The following BCL7C variants were observed in gnomAD, a reference collection of about 807,000 sequenced individuals.
BCL7C encodes the protein B-cell CLL/lymphoma 7 protein family member C.
In BCL7C, 8 loss-of-function variants were observed where a neutral mutation model predicts 26.2. The observed-to-expected ratio is 0.30, with a 90% confidence interval of 0.18 to 0.55. The LOEUF (loss-of-function observed/expected upper bound fraction) is 0.55. Among genes scored for constraint, BCL7C ranks in the 20% least tolerant of loss-of-function variants. BCL7C has a pLI of 0.93. For missense variants in BCL7C, 262 were observed against 298.5 expected, an observed-to-expected ratio of 0.88 and a Z score of 0.90; for synonymous variants, 90 against 116.5, an observed-to-expected ratio of 0.77 and a Z score of 1.47.
In BCL7C at chr16:30,888,896, G is replaced by T; in HGVS notation, c.492C>A (p.Thr164=). 6.2e-7 allele frequency: 1 copy of T among 1,614,046 alleles called. No homozygotes were observed. The highest frequency in any genetic ancestry group is 8.5e-7 in the Non-Finnish European group (1 of 1,179,980). The change falls in exon 5 of 6, where the codon ACC becomes ACA. Residue 164 remains threonine (T), a synonymous_variant. Transcript: ENST00000215115. The stretch of plus-strand genomic sequence containing the variant: ...GCAGTTCTGGAACAGGCTCCTCCTT[G>T]GTCAGCATTGGGGGTTCGTCGGTGC... ...AGSTDEPPML[T]KEEPVPELLE... is the part of the protein sequence containing the mutation.
intron 5 of BCL7C, among the ~76,000 whole-genome samples, chr16:30,839,949 G>A (rs2054592023): frequency 6.6e-6 from 1 of 152,188 alleles, no homozygotes; most frequent in African/African-American, 2.4e-5. Flanking sequence ...CCCTCCAGGA[G>A]AGGACTCTGT....
intron 5 of BCL7C, among the ~76,000 whole-genome samples, chr16:30,873,845 T>C: frequency 9.1e-5 from 1 of 11,000 alleles, no homozygotes. Flanking sequence ...AGCTACACTG[T>C]CTCAAAAAAA....
chr16:30,840,003 A>C (rs754958859), intron 5 of BCL7C, among the ~76,000 whole-genome samples: 33 of 151,774 alleles, frequency 2.2e-4, no homozygotes, highest in Non-Finnish European at 4.1e-4. Context: ...CATTTTCCCC[A>C]CTCCTGATGT....
rs1483940678 is a variant in BCL7C at position 30,892,566 on chromosome 16, T to G, written c.442+20A>C. 3 of 1,535,606 alleles carry G rather than the reference T, an allele frequency of 2.0e-6. No homozygotes were observed. Among genetic ancestry groups the G allele is most frequent in the Non-Finnish European group, 2.6e-6 (3 of 1,147,904 alleles). On this transcript the variant is annotated intron_variant, in intron 4 of 5. Transcript: ENST00000215115. ...GACAGGACTTAGAGGAGAGAGCTCC[T>G]GGGAGGTACCTGGTCCTACCTCTCT...
At chr16:30,842,191 A>C (rs1393389982) in intron 5 of BCL7C, among the ~76,000 whole-genome samples, 2 of 152,180 alleles carry the variant, frequency 1.3e-5, no homozygotes, top group Non-Finnish European at 2.9e-5. Context: ...AGACACAGAC[A>C]TATACAAAGT....
intron 5 of BCL7C, among the ~76,000 whole-genome samples, chr16:30,860,683 C>T (rs1230664486): frequency 6.6e-6 from 1 of 152,164 alleles, no homozygotes; most frequent in Admixed American, 6.5e-5. Context: ...AGGTGGCTGA[C>T]ATCTAGGCAT....
chr16:30,888,011 G>A (rs1438345196), intron 5 of BCL7C, 21 bp from the exon 6 acceptor site: 1 of 1,596,586 alleles, frequency 6.3e-7, no homozygotes, highest in Non-Finnish European at 8.5e-7. Context: ...AGGGTGGACA[G>A]GCGTGAGCTC....
chr16:30,857,986 A>AAG (rs2054738645), intron 5 of BCL7C, among the ~76,000 whole-genome samples: 1 of 151,442 alleles, frequency 6.6e-6, no homozygotes, highest in Non-Finnish European at 1.5e-5. Context: ...AAAAAAAAAA[A>AAG]AAAGAAAGAA....
At chr16:30,862,673 G>A (rs981903354) in intron 5 of BCL7C, among the ~76,000 whole-genome samples, 1 of 151,716 alleles carries the variant, frequency 6.6e-6, no homozygotes, top group Admixed American at 6.6e-5. Flanking sequence ...AAAAACACAC[G>A]TGCTCTCCCA....
intron 5 of BCL7C, among the ~76,000 whole-genome samples, chr16:30,849,922 C>T (rs1193872258): frequency 6.6e-6 from 1 of 151,976 alleles, no homozygotes; most frequent in Admixed American, 6.6e-5. Flanking sequence ...AACTTCTGGG[C>T]TGAAGAAATA....
intron 5 of BCL7C, among the ~76,000 whole-genome samples, chr16:30,843,035 C>G (rs936438169): frequency 2.0e-5 from 3 of 152,234 alleles, no homozygotes; most frequent in African/African-American, 7.2e-5. Flanking sequence ...CAATCCTGTT[C>G]TTTCCAAATC....
chr16:30,856,424 C>G (rs867133168), intron 5 of BCL7C, among the ~76,000 whole-genome samples: 4 of 125,684 alleles, frequency 3.2e-5, no homozygotes, highest in African/African-American at 9.3e-5. Context: ...CTGGGCGACA[C>G]AGTGAGACTC....
intron 5 of BCL7C, among the ~76,000 whole-genome samples, chr16:30,849,123 T>C (rs1438669854): frequency 1.3e-5 from 2 of 149,298 alleles, no homozygotes; most frequent in Admixed American, 6.7e-5. Flanking sequence ...GGAGGCGGAG[T>C]TTTCAGTGAG....
Position 30,893,736 on chromosome 16 carries a change from G to A in BCL7C, c.92+117C>T. On this transcript the variant is annotated intron_variant, in intron 1 of 5. Coordinates refer to ENST00000215115, the MANE Select transcript of BCL7C (RefSeq NM_004765.4). The surrounding 1 kb of genome is among the most constrained non-coding windows in gnomAD (Gnocchi z 5.2). Reference sequence around the variant, plus strand: ...CAGAGCCCTGTGGATCCAGGGCAAAGCTAGTGGGTGGAGATACACCGAACA... The same window carrying A: ...CAGAGCCCTGTGGATCCAGGGCAAAACTAGTGGGTGGAGATACACCGAACA... The A allele has an allele frequency of 3.5e-6, 3 of 862,628 alleles. No individual in the cohort carries two copies. In the South Asian group the frequency reaches 4.2e-5, roughly 12 times the overall value. 53.4% of individuals were successfully genotyped at this position (862,628 alleles called of 1,614,324 possible).
At chr16:30,878,570 C>T (rs947956212) in intron 5 of BCL7C, among the ~76,000 whole-genome samples, 6 of 145,456 alleles carry the variant, frequency 4.1e-5, no homozygotes, top group African/African-American at 7.7e-5. Context: ...GGTGGCTGGG[C>T]GTGGTGGCTC....
intron 5 of BCL7C, among the ~76,000 whole-genome samples, chr16:30,856,506 T>C (rs761280576): frequency 6.6e-6 from 1 of 151,926 alleles, no homozygotes; most frequent in Non-Finnish European, 1.5e-5. Context: ...CTAGGCTTTG[T>C]TATTGTCACT....
chr16:30,874,982 C>A (rs2143036613), intron 5 of BCL7C, among the ~76,000 whole-genome samples: 1 of 152,346 alleles, frequency 6.6e-6, no homozygotes, highest in South Asian at 2.1e-4. Context: ...CTGCCGACTG[C>A]GGCAACGCGA....
rs1460336518 is a variant in BCL7C, at chr16:30,892,962, G to T, written c.172-14C>A. The T allele has an allele frequency of 1.2e-6, 2 of 1,608,132 alleles. No individual in the cohort carries two copies. The highest frequency in any genetic ancestry group is 2.2e-5 in the East Asian group (1 of 44,842). ...CCGCCTTCGCTCCTGGGGGTTAGAG[G>T]ATTAGGGTCAGAGCTCTTGGAAAGC... On this transcript the variant is annotated splice_polypyrimidine_tract_variant and intron_variant, in intron 2 of 5. Transcript: ENST00000215115.
intron 5 of BCL7C, among the ~76,000 whole-genome samples, chr16:30,845,951 A>G (rs1029695889): frequency 2.0e-5 from 3 of 151,416 alleles, no homozygotes; most frequent in African/African-American, 7.3e-5. Context: ...CTAACAATAC[A>G]AAAATTAGCT....
Sources: allele counts gnomAD v4.1 joint callset (sites outside exome capture counted in the v4.1 genomes callset), GRCh38; gene constraint gnomAD v4.1.1; non-coding constraint Gnocchi (gnomAD v3.1); transcripts MANE v1.5; gene names NCBI Gene and HGNC (gene_info 2026-07-23, HGNC 2026-07-21).